PPP1R16B: variants seen among roughly 807,000 people sequenced by gnomAD.
The protein encoded by PPP1R16B is protein phosphatase 1 regulatory inhibitor subunit 16B.
PPP1R16B carries 14 observed loss-of-function variants against 61.7 expected under a neutral mutation model. That is an observed-to-expected ratio of 0.23 (90% CI 0.15 to 0.35). The LOEUF (loss-of-function observed/expected upper bound fraction) is 0.35. Among genes scored for constraint, PPP1R16B ranks in the 10% least tolerant of loss-of-function variants. PPP1R16B has a pLI of 1.00. For missense variants in PPP1R16B, 547 were observed against 752.5 expected (o/e 0.73, Z 3.19); for synonymous variants, 266 against 305.3 (o/e 0.87, Z 1.34).
At chr20:38,844,355 T>G (rs968466905) in intron 2 of PPP1R16B, among the ~76,000 whole-genome samples, 1 of 152,240 alleles carries the variant, frequency 6.6e-6, no homozygotes, top group Non-Finnish European at 1.5e-5. Context: ...TAACAAATGC[T>G]GTCAGTTGTG....
chr20:38,849,199 T>C (rs1448649407), intron 2 of PPP1R16B, among the ~76,000 whole-genome samples: 1 of 152,196 alleles, frequency 6.6e-6, no homozygotes, highest in Non-Finnish European at 1.5e-5. Context: ...ATTAATGTTA[T>C]ACCAAGCGAA....
chr20:38,870,542 G>A (rs1405493925), intron 2 of PPP1R16B, among the ~76,000 whole-genome samples: 5 of 152,218 alleles, frequency 3.3e-5, no homozygotes, highest in African/African-American at 9.6e-5. Flanking sequence ...GGGGAGGCTG[G>A]GCTAGAGGAG....
chr20:38,822,076 A>G (rs1308307438), intron 1 of PPP1R16B, among the ~76,000 whole-genome samples: 1 of 150,286 alleles, frequency 6.7e-6, no homozygotes, highest in Admixed American at 6.7e-5. Context: ...TAATCAGGCA[A>G]TTAACTTGAC....
At chr20:38,897,379 T>G (rs900855332) in intron 4 of PPP1R16B, among the ~76,000 whole-genome samples, 11 of 152,228 alleles carry the variant, frequency 7.2e-5, no homozygotes, top group Non-Finnish European at 1.5e-4. Context: ...GACTGGCATA[T>G]TTCACTTAGC....
chr20:38,859,540 G>C (rs761789658), intron 2 of PPP1R16B, among the ~76,000 whole-genome samples: 7 of 152,224 alleles, frequency 4.6e-5, no homozygotes, highest in Non-Finnish European at 1.0e-4. Flanking sequence ...TGCCCAGACT[G>C]GGGTGCAGTG....
chr20:38,824,734 A>G (rs1045900325), intron 1 of PPP1R16B, among the ~76,000 whole-genome samples: 1 of 152,234 alleles, frequency 6.6e-6, no homozygotes, highest in African/African-American at 2.4e-5. Context: ...AAGTTTTTAA[A>G]AATTCCCATC....
intron 3 of PPP1R16B, among the ~76,000 whole-genome samples, chr20:38,890,565 C>T (rs997961721): frequency 2.6e-5 from 4 of 152,346 alleles, no homozygotes; most frequent in Admixed American, 6.5e-5. Context: ...TGAAGGCCCT[C>T]TTCCTTCGTA....
At chr20:38,895,011 G>T (rs1343289705) in intron 3 of PPP1R16B, among the ~76,000 whole-genome samples, 3 of 152,176 alleles carry the variant, frequency 2.0e-5, no homozygotes, top group Non-Finnish European at 4.4e-5. Context: ...TTGGTTACCT[G>T]AAGGCTTCCC....
At chr20:38,888,419 G>A (rs74513709) in intron 2 of PPP1R16B, among the ~76,000 whole-genome samples, 7,745 of 152,298 alleles carry the variant, frequency 0.051, 304 homozygotes, top group South Asian at 0.18. Context: ...CTAGAGGTCC[G>A]CTTGCCCAGT....
chr20:38,907,157 T>C lies in PPP1R16B; in HGVS notation c.898+103T>C, dbSNP rs1259636804. 5 of 936,544 alleles carry C rather than the reference T, an allele frequency of 5.3e-6. No homozygotes were observed. Among genetic ancestry groups the C allele is most frequent in the Non-Finnish European group, 8.5e-6 (5 of 585,078 alleles). The allele number at this position is 936,544 out of a possible 1,614,324, so 58.0% of individuals were successfully genotyped here. On this transcript the variant is annotated intron_variant, in intron 8 of 10. Transcript: ENST00000299824. The surrounding 1 kb of genome is among the most constrained non-coding windows in gnomAD (Gnocchi z 4.5). ...ATATATGGTTGTATAGATTGATGGA[T>C]TGGTGTCTAGATAGATAGATGGATT...
chr20:38,918,447 C>T lies in PPP1R16B; in HGVS notation c.1485C>T (p.His495=), dbSNP rs779520494. 1 of 1,614,178 alleles carries T rather than the reference C, an allele frequency of 6.2e-7. No homozygotes were observed. The highest frequency in any genetic ancestry group is 8.5e-7 in the Non-Finnish European group (1 of 1,180,034). The part of the protein sequence containing the change: ...RQRAAAKLLS[H]PFLSTHLGSS... Reference sequence around the variant, plus strand: ...GGGCTGCAGCCAAGCTGCTCAGCCACCCCTTCCTTAGCACACACCTGGGCA... The same window carrying T: ...GGGCTGCAGCCAAGCTGCTCAGCCATCCCTTCCTTAGCACACACCTGGGCA... Residue 495 remains histidine, a synonymous_variant, in exon 11 of 11, where the codon CAC becomes CAT. Coordinates refer to ENST00000299824, the MANE Select transcript of PPP1R16B (RefSeq NM_015568.4). The surrounding 1 kb of genome is among the most constrained non-coding windows in gnomAD (Gnocchi z 5.3).
At chr20:38,860,484 T>G (rs1227984119) in intron 2 of PPP1R16B, among the ~76,000 whole-genome samples, 5 of 152,242 alleles carry the variant, frequency 3.3e-5, no homozygotes, top group Non-Finnish European at 7.3e-5. Context: ...TGGCCACACA[T>G]GGCTCGTAGT....
intron 1 of PPP1R16B, among the ~76,000 whole-genome samples, chr20:38,827,519 A>G (rs1027193064): frequency 6.6e-6 from 1 of 152,216 alleles, no homozygotes; most frequent in African/African-American, 2.4e-5. Flanking sequence ...CAAGTCAGAG[A>G]TCTGAATGAA....
chr20:38,861,605 C>A (rs559578523), intron 2 of PPP1R16B, among the ~76,000 whole-genome samples: 1 of 152,134 alleles, frequency 6.6e-6, no homozygotes, highest in Non-Finnish European at 1.5e-5. Context: ...ACCCTTCAGC[C>A]AGCCTGCATC....
intron 2 of PPP1R16B, among the ~76,000 whole-genome samples, chr20:38,861,677 T>TG (rs2085052226): frequency 6.8e-6 from 1 of 147,236 alleles, no homozygotes; most frequent in African/African-American, 2.5e-5. Context: ...GTTCTTCTTT[T>TG]TTTTTTTTTT....
intron 3 of PPP1R16B, 93 bp downstream of exon 3, chr20:38,889,758 G>A: frequency 1.5e-6 from 2 of 1,317,980 alleles, no homozygotes; most frequent in East Asian, 2.3e-5. Flanking sequence ...GAACCCTCAG[G>A]GAGGAGGGAA....
intron 2 of PPP1R16B, among the ~76,000 whole-genome samples, chr20:38,874,305 T>A (rs1229036507): frequency 1.3e-5 from 2 of 152,184 alleles, no homozygotes; most frequent in East Asian, 3.9e-4. Flanking sequence ...GAGGGGTGCC[T>A]GCTGGAGCCA....
At chr20:38,855,978 A>AGGAG (rs1555804346) in intron 2 of PPP1R16B, among the ~76,000 whole-genome samples, 1 of 29,752 alleles carries the variant, frequency 3.4e-5, no homozygotes, top group African/African-American at 2.3e-4. Context: ...AGAGAGAGAG[A>AGGAG]GAGAAGGAGG....
At chr20:38,826,349 C>A (rs996240074) in intron 1 of PPP1R16B, among the ~76,000 whole-genome samples, 1 of 152,182 alleles carries the variant, frequency 6.6e-6, no homozygotes, top group Non-Finnish European at 1.5e-5. Flanking sequence ...CTGACTAATG[C>A]GTTTGTAGAC....
Sources: allele counts gnomAD v4.1 joint callset (sites outside exome capture counted in the v4.1 genomes callset), GRCh38; gene constraint gnomAD v4.1.1; non-coding constraint Gnocchi (gnomAD v3.1); transcripts MANE v1.5; gene names NCBI Gene and HGNC (gene_info 2026-07-23, HGNC 2026-07-21).